PTPRT: variants seen among roughly 807,000 people sequenced by gnomAD.
PTPRT encodes the protein receptor-type tyrosine-protein phosphatase T.
A neutral mutation model predicts 176.8 loss-of-function variants in PTPRT; 56 were observed. The ratio of observed to expected loss-of-function variants is 0.32; its 90% confidence interval spans 0.26 to 0.40. The LOEUF (loss-of-function observed/expected upper bound fraction) is 0.40. Among genes scored for constraint, PTPRT ranks in the 10% least tolerant of loss-of-function variants. The pLI is 1.00. For synonymous variants in PTPRT, 783 were observed against 739.0 expected, an observed-to-expected ratio of 1.06 and a Z score of -0.96; for missense variants, 1,540 against 1,908.2, an observed-to-expected ratio of 0.81 and a Z score of 3.60.
intron 16 of PTPRT, among the ~76,000 whole-genome samples, chr20:42,173,931 G>C (rs1990178033): frequency 6.6e-6 from 1 of 152,104 alleles, no homozygotes; most frequent in African/African-American, 2.4e-5. Flanking sequence ...ACTTTGACCG[G>C]TAGAAGAATA....
intron 27 of PTPRT, among the ~76,000 whole-genome samples, chr20:42,089,161 A>C (rs1203568729): frequency 6.6e-6 from 1 of 152,026 alleles, no homozygotes; most frequent in Non-Finnish European, 1.5e-5. Context: ...ACGGGCCTCC[A>C]TGGCTGGACA....
At chr20:42,510,952 T>C (rs1438505663) in intron 7 of PTPRT, among the ~76,000 whole-genome samples, 1 of 152,074 alleles carries the variant, frequency 6.6e-6, no homozygotes, top group African/African-American at 2.4e-5. Context: ...CTTTAAGAAG[T>C]GAATGAATCA....
chr20:42,503,250 C>A (rs2071786576), intron 7 of PTPRT, among the ~76,000 whole-genome samples: 1 of 151,912 alleles, frequency 6.6e-6, no homozygotes, highest in African/African-American at 2.4e-5. Flanking sequence ...TTCTTTTTTA[C>A]CGTAATATGA....
intron 7 of PTPRT, among the ~76,000 whole-genome samples, chr20:42,651,525 AG>A (rs2075030445): frequency 6.6e-6 from 1 of 152,216 alleles, no homozygotes; most frequent in East Asian, 1.9e-4. Context: ...GGACAGAGGC[AG>A]GGGCAGGTCT....
At chr20:42,132,834 G>C (rs2867060) in intron 18 of PTPRT, among the ~76,000 whole-genome samples, 1 of 152,184 alleles carries the variant, frequency 6.6e-6, no homozygotes. Flanking sequence ...ACCCAAATGA[G>C]GTGAAAACTT....
chr20:42,278,142 T>G, intron 13 of PTPRT, among the ~76,000 whole-genome samples: 2 of 112,430 alleles, frequency 1.8e-5, no homozygotes, highest in African/African-American at 6.6e-5. Context: ...TATTTGCAAG[T>G]TGTGATGAGT....
intron 1 of PTPRT, among the ~76,000 whole-genome samples, chr20:43,020,110 GTATA>G (rs955597456): frequency 1.0e-4 from 13 of 124,580 alleles, no homozygotes; most frequent in African/African-American, 4.4e-4. Flanking sequence ...GTGTGTGTGT[GTATA>G]TATATATATA....
chr20:42,108,879 A>G (rs1373027977), intron 23 of PTPRT, among the ~76,000 whole-genome samples: 1 of 152,222 alleles, frequency 6.6e-6, no homozygotes. Context: ...TGCTAAGGAG[A>G]CACATACCGG....
intron 1 of PTPRT, among the ~76,000 whole-genome samples, chr20:43,082,336 T>C (rs2011466561): frequency 6.6e-6 from 1 of 152,258 alleles, no homozygotes; most frequent in Admixed American, 6.5e-5. Flanking sequence ...TATATTATTT[T>C]CTTAGTTTTA....
chr20:42,865,508 A>T (rs2078731531), intron 2 of PTPRT, among the ~76,000 whole-genome samples: 1 of 152,190 alleles, frequency 6.6e-6, no homozygotes, highest in Admixed American at 6.5e-5. Flanking sequence ...GTGAATGGAA[A>T]AGTTGCTTCC....
At position 42,694,041 on chromosome 20, in the gene PTPRT, T is replaced by TA. The variant is rs1491079663; in HGVS notation, c.860-15883_860-15882insT. ...GTTTTTTTTCTTTTATTTTATTTTCTTTTTTTTTTTTTTTTGAGCCAGAGT... is the reference window on the plus strand; with the variant it reads ...GTTTTTTTTCTTTTATTTTATTTTCTATTTTTTTTTTTTTTTGAGCCAGAGT... On this transcript the variant is annotated intron_variant, in intron 6 of 30. Coordinates refer to ENST00000373187, the MANE Select transcript of PTPRT (RefSeq NM_007050.6). Among the ~76,000 whole-genome samples the TA allele has an allele frequency of 2.1e-3, 178 of 86,638 alleles. 1 individual carries two copies. Among genetic ancestry groups the TA allele is most frequent in the Non-Finnish European group, 3.3e-3 (150 of 45,190 alleles). 56.8% of individuals were successfully genotyped at this position (86,638 alleles called of 152,430 possible).
At chr20:42,265,576 G>A (rs953100569) in intron 13 of PTPRT, among the ~76,000 whole-genome samples, 2 of 152,070 alleles carry the variant, frequency 1.3e-5, no homozygotes, top group Admixed American at 6.5e-5. Context: ...CTGTGCCCCT[G>A]CCTCTGCTGC....
At chr20:42,050,153 G>T in the PTPRT span, among the ~76,000 whole-genome samples, 1 of 152,118 alleles carries the variant, frequency 6.6e-6, no homozygotes, top group Admixed American at 6.5e-5. Context: ...TTTCATTGCT[G>T]GACTTAGCAA....
At chr20:42,572,070 G>A (rs754437682) in intron 7 of PTPRT, among the ~76,000 whole-genome samples, 1 of 152,168 alleles carries the variant, frequency 6.6e-6, no homozygotes, top group Non-Finnish European at 1.5e-5. Flanking sequence ...TGAGACTCCA[G>A]AATATATGAT....
chr20:42,242,496 A>G lies in PTPRT; in HGVS notation c.2312+6191T>C, dbSNP rs573101303. Reference sequence around the variant, plus strand: ...ATGGGTCCTCCCAGAGGGGATCTAGATGGTGAAGAGATTCTGTCCAGATCA... The same window carrying G: ...ATGGGTCCTCCCAGAGGGGATCTAGGTGGTGAAGAGATTCTGTCCAGATCA... On this transcript the variant is annotated intron_variant, in intron 14 of 30. Transcript: ENST00000373187. 5.3e-5 allele frequency among the ~76,000 whole-genome samples: 8 copies of G among 152,314 alleles called. No homozygotes were observed. The South Asian group carries it at 1.7e-3, about 32-fold the overall frequency.
At chr20:43,133,183 G>A (rs1440518402) in intron 1 of PTPRT, among the ~76,000 whole-genome samples, 3 of 152,038 alleles carry the variant, frequency 2.0e-5, no homozygotes, top group Non-Finnish European at 4.4e-5. Context: ...TGTAAAATTC[G>A]CTGAGCTGTA....
At chr20:42,733,689 C>T (rs1310939542) in intron 6 of PTPRT, among the ~76,000 whole-genome samples, 1 of 152,234 alleles carries the variant, frequency 6.6e-6, no homozygotes, top group East Asian at 1.9e-4. Context: ...GCTCCATCCA[C>T]TGCCCTTGCA....
intron 1 of PTPRT, among the ~76,000 whole-genome samples, chr20:43,188,580 C>CA (rs1431468950): frequency 3.3e-5 from 5 of 152,240 alleles, no homozygotes; most frequent in Admixed American, 2.6e-4. Context: ...GATCCGAAAC[C>CA]AGCCTGTTCC....
At chr20:42,916,903 C>T (rs1350112558) in intron 1 of PTPRT, among the ~76,000 whole-genome samples, 2 of 152,218 alleles carry the variant, frequency 1.3e-5, no homozygotes, top group East Asian at 1.9e-4. Flanking sequence ...TTCTGCCATT[C>T]TGTAGGTTGC....
Sources: allele counts gnomAD v4.1 joint callset (sites outside exome capture counted in the v4.1 genomes callset), GRCh38; gene constraint gnomAD v4.1.1; transcripts MANE v1.5; gene names NCBI Gene and HGNC (gene_info 2026-07-23, HGNC 2026-07-21).